Variants in RIT2 observed in about 807,000 individuals in gnomAD.
RIT2 encodes the protein Ras like without CAAX 2, also known as GTP-binding protein Rit2.
RIT2 carries 24 observed loss-of-function variants against 23.7 expected under a neutral mutation model. The observed-to-expected ratio is 1.01, with a 90% CI of 0.73 to 1.43. The LOEUF (loss-of-function observed/expected upper bound fraction) is 1.43, where lower values mean the gene tolerates loss of function less well. RIT2 is among the 40% of genes most tolerant of loss of function. The probability of loss-of-function intolerance (pLI) is 0.00; values close to 1 mark genes in which losing one functional copy is unlikely to be tolerated. For synonymous variants in RIT2, 107 were observed against 91.1 expected (o/e 1.17, Z -0.99); for missense variants, 236 against 266.9 (o/e 0.88, Z 0.81).
intron 4 of RIT2, among the ~76,000 whole-genome samples, chr18:42,795,540 T>G (rs8099760): frequency 6.6e-6 from 1 of 152,042 alleles, no homozygotes; most frequent in African/African-American, 2.4e-5. Flanking sequence ...CCTGTGCGCC[T>G]GAGCCTCCCG....
chr18:42,944,872 T>C (rs938404475), intron 3 of RIT2, among the ~76,000 whole-genome samples: 2 of 152,064 alleles, frequency 1.3e-5, no homozygotes, highest in African/African-American at 4.8e-5. Flanking sequence ...AAATATACAA[T>C]TTATAAGAGC....
intron 1 of RIT2, among the ~76,000 whole-genome samples, chr18:43,074,521 C>T (rs1912967620): frequency 6.6e-6 from 1 of 152,204 alleles, no homozygotes; most frequent in Non-Finnish European, 1.5e-5. Flanking sequence ...TTTACCCAAA[C>T]TGGGATCTCA....
At chr18:42,794,900 G>A (rs911736826) in intron 4 of RIT2, among the ~76,000 whole-genome samples, 1 of 152,148 alleles carries the variant, frequency 6.6e-6, no homozygotes. Flanking sequence ...AGTTGACACT[G>A]GTGAGAGGCA....
At chr18:42,888,236 G>A (rs1161556990) in intron 4 of RIT2, among the ~76,000 whole-genome samples, 1 of 151,752 alleles carries the variant, frequency 6.6e-6, no homozygotes, top group African/African-American at 2.4e-5. Flanking sequence ...TTGTGTGGGG[G>A]AAGGCAGAAA....
At chr18:42,925,118 C>T (rs1909148720) in intron 3 of RIT2, among the ~76,000 whole-genome samples, 1 of 152,036 alleles carries the variant, frequency 6.6e-6, no homozygotes, top group African/African-American at 2.4e-5. Flanking sequence ...CTGACTCACA[C>T]TGTATCATAT....
At chr18:43,002,424 T>C (rs7230442) in intron 2 of RIT2, among the ~76,000 whole-genome samples, 12,821 of 151,940 alleles carry the variant, frequency 0.084, 780 homozygotes, top group East Asian at 0.25. Flanking sequence ...CCAGGAACAA[T>C]ACTTTGCATC....
chr18:42,901,385 C>G (rs1483593751), intron 4 of RIT2, among the ~76,000 whole-genome samples: 1 of 151,942 alleles, frequency 6.6e-6, no homozygotes, highest in African/African-American at 2.4e-5. Flanking sequence ...GTTATTCAGA[C>G]TTGAGTACCT....
chr18:42,801,038 G>A (rs1356615059), intron 4 of RIT2, among the ~76,000 whole-genome samples: 1 of 151,934 alleles, frequency 6.6e-6, no homozygotes, highest in African/African-American at 2.4e-5. Flanking sequence ...ATGGAAAGTA[G>A]AAACAATAAA....
intron 4 of RIT2, among the ~76,000 whole-genome samples, chr18:42,836,797 T>C (rs1283180217): frequency 6.6e-6 from 1 of 152,198 alleles, no homozygotes; most frequent in East Asian, 1.9e-4. Context: ...AAAAGAGCTA[T>C]GAGTTAAGTA....
At chr18:42,807,897 C>T (rs1905729515) in intron 4 of RIT2, among the ~76,000 whole-genome samples, 1 of 151,588 alleles carries the variant, frequency 6.6e-6, no homozygotes, top group Admixed American at 6.6e-5. Flanking sequence ...AGGTAACAGT[C>T]AATGCTAAAG....
At position 42,897,474 on chromosome 18, in the gene RIT2, A is replaced by G. The variant is rs756969818; in HGVS notation, c.426+26098T>C. Among the ~76,000 whole-genome samples, 241 of 152,212 alleles carry G rather than the reference A, an allele frequency of 1.6e-3. 4 individuals carry two copies. Among genetic ancestry groups the G allele is most frequent in the Non-Finnish European group, 7.6e-4 (52 of 68,030 alleles). The stretch of plus-strand genomic sequence containing the variant: ...AAGGACAGAAGAATAAAACATCTAC[A>G]TAGTCTACCACATGCATTCCTAATG... On this transcript the variant is annotated intron_variant, in intron 4 of 4. Coordinates refer to ENST00000326695, the MANE Select transcript of RIT2 (RefSeq NM_002930.4).
intron 4 of RIT2, among the ~76,000 whole-genome samples, chr18:42,848,899 A>G (rs974423003): frequency 1.3e-5 from 2 of 152,210 alleles, no homozygotes; most frequent in Admixed American, 6.5e-5. Context: ...ATTAAGGTTT[A>G]TCTGAGATAG....
chr18:42,769,056 C>T (rs944841435), intron 4 of RIT2, among the ~76,000 whole-genome samples: 1 of 152,120 alleles, frequency 6.6e-6, no homozygotes, highest in African/African-American at 2.4e-5. Flanking sequence ...GATGTGATTC[C>T]TCTGTGGGAA....
At position 43,030,487 on chromosome 18, in the gene RIT2, A is replaced by T. The variant is rs148375370; in HGVS notation, c.160+3324T>A. 3.9e-5 allele frequency among the ~76,000 whole-genome samples: 6 copies of T among 152,182 alleles called. No homozygotes were observed. In the South Asian group the frequency reaches 1.2e-3, roughly 32 times the overall value. ...ACATAAATAATAGCAAGACCATGAG[A>T]GTCTTCATTTTGTTCTTAGAATTTT... On this transcript the variant is annotated intron_variant, in intron 2 of 4. Coordinates refer to ENST00000326695, the MANE Select transcript of RIT2 (RefSeq NM_002930.4).
chr18:43,104,253 T>G (rs993259354), intron 1 of RIT2, among the ~76,000 whole-genome samples: 4 of 152,138 alleles, frequency 2.6e-5, no homozygotes, highest in African/African-American at 9.7e-5. Context: ...GAAGTAGAAC[T>G]GTGGTCATTA....
At position 42,845,888 on chromosome 18, in the gene RIT2, G is replaced by A. The variant is rs1436439785; in HGVS notation, c.426+77684C>T. Among the ~76,000 whole-genome samples the A allele has an allele frequency of 2.6e-5, 4 of 151,928 alleles. No homozygotes were observed. In the South Asian group the frequency reaches 6.2e-4, roughly 24 times the overall value. On this transcript the variant is annotated intron_variant, in intron 4 of 4. Transcript: ENST00000326695. ...AAAGAAATATTATATCTTCAAACATGTGGGTTGCAACCTAGAGGGAAATTC... is the reference window on the plus strand; with the variant it reads ...AAAGAAATATTATATCTTCAAACATATGGGTTGCAACCTAGAGGGAAATTC...
chr18:42,965,368 T>G (rs1019779623), intron 3 of RIT2, among the ~76,000 whole-genome samples: 4 of 152,186 alleles, frequency 2.6e-5, no homozygotes, highest in Admixed American at 2.6e-4. Flanking sequence ...ATCTATATGC[T>G]TCATTCATTT....
intron 4 of RIT2, among the ~76,000 whole-genome samples, chr18:42,787,738 A>G (rs943227034): frequency 3.3e-5 from 5 of 152,154 alleles, no homozygotes; most frequent in African/African-American, 7.2e-5. Context: ...AATACTCAGT[A>G]GAAACTTTTA....
chr18:42,743,630 C>A lies in RIT2; in HGVS notation c.517G>T (p.Ala173Ser). The A allele has an allele frequency of 6.2e-7, 1 of 1,614,024 alleles. No homozygotes were observed. Among genetic ancestry groups the A allele is most frequent in the Non-Finnish European group, 8.5e-7 (1 of 1,179,976 alleles). The change falls in exon 5 of 5, where the codon GCT becomes TCT. Residue 173 changes from alanine to serine, a missense_variant. Physicochemically the swap from Ala to Ser is moderately conservative, Grantham distance 99. Transcript: ENST00000326695. ...ATTTCCCTCACTAAGCCATGAAAAG[C>A]ATCATCAATACAGAATCTGAGGGCT... is the stretch of plus-strand genomic sequence containing the variant. ...SAALRFCIDD[A>S]FHGLVREIRK...
Sources: allele counts gnomAD v4.1 joint callset (sites outside exome capture counted in the v4.1 genomes callset), GRCh38; gene constraint gnomAD v4.1.1; transcripts MANE v1.5; gene names NCBI Gene and HGNC (gene_info 2026-07-23, HGNC 2026-07-21).